The following ADGRA1 variants were observed in gnomAD, a reference collection of about 807,000 sequenced individuals.
The protein encoded by ADGRA1 is G-protein coupled receptor 123.
Under a neutral mutation model 21.3 loss-of-function variants are expected in ADGRA1, and 12 were observed. The observed-to-expected ratio is 0.56, with a 90% CI of 0.36 to 0.91. ADGRA1 has a LOEUF of 0.91. ADGRA1 is among the 40% of genes least tolerant of loss of function. The probability of loss-of-function intolerance (pLI) is 0.01; values close to 1 mark genes in which losing one functional copy is unlikely to be tolerated. For synonymous variants in ADGRA1, 385 were observed against 368.8 expected, an observed-to-expected ratio of 1.04 and a Z score of -0.50; for missense variants, 790 against 805.6, an observed-to-expected ratio of 0.98 and a Z score of 0.23.
At chr10:133,112,446 ACGGGCCACGTCAGTTATTTGG>A (rs1852058967) in intron 5 of ADGRA1, among the ~76,000 whole-genome samples, 2 of 91,350 alleles carry the variant, frequency 2.2e-5, no homozygotes, top group African/African-American at 1.1e-4. Context: ...TTTGGGGTCT[ACGGGCCACGTCAGTTATTTGG>A]GGTCTGCGGG....
chr10:133,128,672 T>C lies in ADGRA1; in HGVS notation c.844T>C (p.Phe282Leu). Residue 282 changes from phenylalanine to leucine, a missense_variant, in exon 7 of 7, where the codon TTC (phenylalanine) becomes CTC (leucine). Transcript: ENST00000392607. ...FGALAVSQGHFLDMVFSCLYG... is the reference protein window; with the variant it reads ...FGALAVSQGHLLDMVFSCLYG... ...GGCGCTGGCGGTGTCACAGGGCCAC[T>C]TCCTGGACATGGTCTTCAGCTGCCT... 4 of 1,611,158 alleles carry C rather than the reference T, an allele frequency of 2.5e-6. No individual in the cohort carries two copies. The highest frequency in any genetic ancestry group is 1.7e-4 in the Middle Eastern group (1 of 6,058).
Position 133,129,006 on chromosome 10 carries a change from C to G in ADGRA1, c.1178C>G (p.Thr393Arg), listed in dbSNP as rs1158315253. 7.0e-6 allele frequency: 11 copies of G among 1,569,226 alleles called. No individual in the cohort carries two copies. Among genetic ancestry groups the G allele is most frequent in the Non-Finnish European group, 9.5e-6 (11 of 1,157,190 alleles). ...GCCAAGATGCACTGCGAGCCACTGACGGCGGACGAGGCGCACGTGCACCTG... is the reference window on the plus strand; with the variant it reads ...GCCAAGATGCACTGCGAGCCACTGAGGGCGGACGAGGCGCACGTGCACCTG... Reference protein sequence around the residue: ...CCAKMHCEPLTADEAHVHLQE... With the variant: ...CCAKMHCEPLRADEAHVHLQE... Residue 393 changes from threonine (T) to arginine (R), a missense_variant, in exon 7 of 7, where the codon ACG becomes AGG. Physicochemically the swap from Thr to Arg is moderately conservative, Grantham distance 71 (BLOSUM62 -1). Around this residue, in one of 3 missense-constraint regions of ADGRA1, gnomAD observed 391 missense variants for 351.5 expected, o/e 1.11. Coordinates refer to ENST00000392607, the MANE Select transcript of ADGRA1 (RefSeq NM_001083909.3).
At chr10:133,095,789 G>A (rs753085001) in intron 2 of ADGRA1, 27 of 1,598,054 alleles carry the variant, frequency 1.7e-5, no homozygotes, top group Non-Finnish European at 2.0e-5. Context: ...AGGTGACACT[G>A]CCTCTGCCCA....
At chr10:133,103,226 C>T (rs1851831169) in intron 5 of ADGRA1, among the ~76,000 whole-genome samples, 2 of 152,280 alleles carry the variant, frequency 1.3e-5, no homozygotes, top group East Asian at 1.9e-4. Flanking sequence ...CCTGTGCTAC[C>T]GAGTTGCTGG....
At chr10:133,088,620 C>T in intron 1 of ADGRA1, 88 bp from the exon 2 acceptor site, 2 of 863,802 alleles carry the variant, frequency 2.3e-6, no homozygotes, top group East Asian at 3.8e-5. Context: ...CGACAGGGGC[C>T]GCGGCTGCTC....
chr10:133,093,262 A>G, intron 2 of ADGRA1: 6 of 1,577,880 alleles, frequency 3.8e-6, no homozygotes, highest in Non-Finnish European at 5.1e-6. Flanking sequence ...CAGAAAGGTT[A>G]AGTTTTGATC....
At chr10:133,123,171 C>T (rs1852307280) in intron 5 of ADGRA1, among the ~76,000 whole-genome samples, 1 of 152,198 alleles carries the variant, frequency 6.6e-6, no homozygotes, top group South Asian at 2.1e-4. Flanking sequence ...AAGCCCATCC[C>T]TGGCAGGGGC....
intron 5 of ADGRA1, among the ~76,000 whole-genome samples, chr10:133,118,977 G>A (rs967401430): frequency 5.3e-5 from 8 of 150,836 alleles, no homozygotes; most frequent in South Asian, 4.2e-4. Flanking sequence ...TCACACACAC[G>A]CACCACACAC....
chr10:133,113,172 G>A (rs555708362), intron 5 of ADGRA1, among the ~76,000 whole-genome samples: 131 of 147,858 alleles, frequency 8.9e-4, no homozygotes, highest in African/African-American at 3.3e-3. Flanking sequence ...TGTAAGCCGC[G>A]TCGGTTATTT....
chr10:133,110,556 G>C (rs1255542980), intron 5 of ADGRA1, among the ~76,000 whole-genome samples: 1 of 152,240 alleles, frequency 6.6e-6, no homozygotes, highest in Non-Finnish European at 1.5e-5. Flanking sequence ...CGAATGTTCA[G>C]AGAGAAGCTC....
At chr10:133,105,225 G>A (rs1206609852) in intron 5 of ADGRA1, among the ~76,000 whole-genome samples, 3 of 152,222 alleles carry the variant, frequency 2.0e-5, no homozygotes, top group African/African-American at 7.2e-5. Flanking sequence ...CCTGCCCTCT[G>A]AAAAGAATGC....
At chr10:133,102,648 G>T in intron 4 of ADGRA1, 49 bp from the exon 5 acceptor site, 2 of 1,570,592 alleles carry the variant, frequency 1.3e-6, no homozygotes, top group East Asian at 2.3e-5. Flanking sequence ...GCTGGGCTCT[G>T]GGGGGTGGGT....
chr10:133,112,770 G>GCGGGCCGCGTCGGT (rs1852077521), intron 5 of ADGRA1, among the ~76,000 whole-genome samples: 4 of 139,832 alleles, frequency 2.9e-5, no homozygotes, highest in Admixed American at 7.1e-5. Context: ...TTTGGGGTCT[G>GCGGGCCGCGTCGGT]TAAGCTATGT....
At position 133,112,893 on chromosome 10, in the gene ADGRA1, TCAG is replaced by T. The variant is rs1852083121; in HGVS notation, c.401+10052_401+10054del. Among the ~76,000 whole-genome samples the T allele has an allele frequency of 8.2e-5, 11 of 134,478 alleles. 1 individual carries two copies. The highest frequency in any genetic ancestry group is 7.6e-4 in the East Asian group (3 of 3,958). 88.2% of individuals were successfully genotyped at this position (134,478 alleles called of 152,430 possible). Reference sequence around the variant, plus strand: ...GGTTATTTGGGGTCTGCGGGCCGCGTCAGTTCGGTTATTTGGGGTCTGTAAGCT... The same window carrying T: ...GGTTATTTGGGGTCTGCGGGCCGCGTTTCGGTTATTTGGGGTCTGTAAGCT... On this transcript the variant is annotated intron_variant, in intron 5 of 6. Coordinates refer to ENST00000392607, the MANE Select transcript of ADGRA1 (RefSeq NM_001083909.3).
intron 2 of ADGRA1, chr10:133,093,216 G>A: frequency 6.3e-7 from 1 of 1,591,390 alleles, no homozygotes. Context: ...GCATTCCCCA[G>A]GTTTGAAGAG....
At chr10:133,111,174 C>CCACCACG (rs1445890764) in intron 5 of ADGRA1, among the ~76,000 whole-genome samples, 1 of 52,144 alleles carries the variant, frequency 1.9e-5, no homozygotes, top group African/African-American at 1.2e-4. Flanking sequence ...ACCTGCCCGC[C>CCACCACG]GTGAGCACCT....
At chr10:133,111,204 CAA>C (rs1408542592) in intron 5 of ADGRA1, among the ~76,000 whole-genome samples, 14 of 141,942 alleles carry the variant, frequency 9.9e-5, no homozygotes, top group South Asian at 2.3e-4. Flanking sequence ...TCCCTCCAGA[CAA>C]CCTGCCCACC....
rs918813024 is a variant in ADGRA1, at chr10:133,097,219, G to T, written c.131+118G>T. The T allele has an allele frequency of 4.7e-5, 60 of 1,266,786 alleles. No individual in the cohort carries two copies. In the African/African-American group the frequency reaches 7.1e-4, roughly 15 times the overall value. The allele number at this position is 1,266,786 out of a possible 1,614,324, so 78.5% of individuals were successfully genotyped here. A position where few individuals can be genotyped will look rare whatever the true frequency, so the allele number is the denominator to read the frequency against. The stretch of plus-strand genomic sequence containing the variant: ...CTCATGTAGCAAGAAGTCCTTGAAG[G>T]TACAACTCAGGTCACCAGCTAGCTC... On this transcript the variant is annotated intron_variant, in intron 3 of 6. Transcript: ENST00000392607.
chr10:133,128,289 C>T (rs1403966383), intron 6 of ADGRA1, 40 bp from the exon 7 acceptor site: 6 of 1,453,278 alleles, frequency 4.1e-6, no homozygotes, highest in Middle Eastern at 2.3e-4. Context: ...GAGTCCTGGC[C>T]GTGCTGGCCC....
Sources: allele counts gnomAD v4.1 joint callset (sites outside exome capture counted in the v4.1 genomes callset), GRCh38; gene constraint gnomAD v4.1.1; regional missense constraint gnomAD v4.1.1; transcripts MANE v1.5; gene names NCBI Gene and HGNC (gene_info 2026-07-23, HGNC 2026-07-21).